Variants in TSPAN14 observed in about 807,000 individuals in gnomAD.
TSPAN14 encodes tetraspanin 14, also known as tetraspanin-14.
Under a neutral mutation model 36.6 loss-of-function variants are expected in TSPAN14, and 16 were observed. The observed-to-expected ratio is 0.44, with a 90% confidence interval of 0.30 to 0.66. The LOEUF (loss-of-function observed/expected upper bound fraction) is 0.66. Ranked by LOEUF, TSPAN14 falls within the 30% of genes least tolerant of loss-of-function variation. The pLI is 0.12. For missense variants in TSPAN14, 231 were observed against 355.1 expected (o/e 0.65, Z 2.81); for synonymous variants, 139 against 143.8 (o/e 0.97, Z 0.24).
intron 2 of TSPAN14, among the ~76,000 whole-genome samples, chr10:80,494,536 G>A (rs1369700209): frequency 6.6e-6 from 1 of 152,290 alleles, no homozygotes; most frequent in African/African-American, 2.4e-5. Flanking sequence ...CATCTTTGCA[G>A]GTGGGGTCTT....
At chr10:80,479,503 C>G (rs1219226051) in intron 1 of TSPAN14, among the ~76,000 whole-genome samples, 9 of 152,184 alleles carry the variant, frequency 5.9e-5, no homozygotes, top group South Asian at 2.1e-4. Context: ...TTTCAGCTTT[C>G]TACATATGGC....
chr10:80,468,855 C>T (rs1378904194), intron 1 of TSPAN14, among the ~76,000 whole-genome samples: 2 of 152,200 alleles, frequency 1.3e-5, no homozygotes, highest in Middle Eastern at 3.4e-3. Flanking sequence ...CCACCATGCC[C>T]GGCCTGAATG....
intron 1 of TSPAN14, among the ~76,000 whole-genome samples, chr10:80,476,485 T>G (rs1163886616): frequency 5.5e-5 from 8 of 144,716 alleles, no homozygotes; most frequent in Non-Finnish European, 4.5e-5. Context: ...GCGAGATCTC[T>G]GCTCACTGCA....
intron 1 of TSPAN14, among the ~76,000 whole-genome samples, chr10:80,459,748 G>A (rs1409237222): frequency 1.3e-5 from 2 of 152,226 alleles, no homozygotes; most frequent in Admixed American, 1.3e-4. Context: ...AGGCCCCACA[G>A]CAGTGGAAGG....
intron 1 of TSPAN14, among the ~76,000 whole-genome samples, chr10:80,486,071 A>AG (rs1199003220): frequency 5.3e-5 from 8 of 152,210 alleles, no homozygotes; most frequent in Admixed American, 4.6e-4. Flanking sequence ...TGATGTTACC[A>AG]GGGGGGAAGT....
intron 2 of TSPAN14, among the ~76,000 whole-genome samples, chr10:80,498,266 G>C (rs539713609): frequency 1.3e-5 from 2 of 152,146 alleles, no homozygotes; most frequent in Non-Finnish European, 2.9e-5. Context: ...TGGGGTTTCC[G>C]TCTGGTGTAA....
intron 1 of TSPAN14, among the ~76,000 whole-genome samples, chr10:80,474,404 C>T (rs1752282323): frequency 6.6e-6 from 1 of 151,810 alleles, no homozygotes; most frequent in Non-Finnish European, 1.5e-5. Flanking sequence ...AGGTAAGAGA[C>T]CTTCAGACCT....
chr10:80,507,255 A>C, exon 4 of TSPAN14: 1 of 1,614,030 alleles, frequency 6.2e-7, no homozygotes, highest in Non-Finnish European at 8.5e-7. Context: ...CACCAAAGTG[A>C]CCCGGATGCA....
intron 2 of TSPAN14, among the ~76,000 whole-genome samples, chr10:80,493,126 T>C (rs768093609): frequency 1.3e-4 from 20 of 152,352 alleles, no homozygotes; most frequent in Non-Finnish European, 2.6e-4. Context: ...AAAAAATCAT[T>C]CTTTGGTTGT....
chr10:80,497,820 C>A (rs1848274702), intron 2 of TSPAN14, among the ~76,000 whole-genome samples: 1 of 152,208 alleles, frequency 6.6e-6, no homozygotes, highest in Non-Finnish European at 1.5e-5. Flanking sequence ...CACATTGGGG[C>A]CCTCACATGG....
chr10:80,485,796 T>C, intron 1 of TSPAN14: 3 of 594,576 alleles, frequency 5.0e-6, no homozygotes, highest in Non-Finnish European at 6.3e-6. Context: ...TTTTCAACAG[T>C]TTATTGCAAT....
chr10:80,472,032 G>A (rs1846581426), intron 1 of TSPAN14, among the ~76,000 whole-genome samples: 1 of 152,132 alleles, frequency 6.6e-6, no homozygotes, highest in African/African-American at 2.4e-5. Flanking sequence ...GACTGCAGGT[G>A]TGCACTGAGG....
chr10:80,512,840 C>T (rs1840730307), intron 6 of TSPAN14, among the ~76,000 whole-genome samples: 1 of 151,652 alleles, frequency 6.6e-6, no homozygotes, highest in South Asian at 2.1e-4. Context: ...ATTACAGGTG[C>T]ACGCCACCAC....
At chr10:80,500,067 G>C (rs1222983825) in intron 2 of TSPAN14, among the ~76,000 whole-genome samples, 1 of 152,070 alleles carries the variant, frequency 6.6e-6, no homozygotes, top group East Asian at 1.9e-4. Context: ...GGGGTGAAGC[G>C]GGCCAATGAC....
At chr10:80,485,666 C>A (rs1007018295) in intron 1 of TSPAN14, 4 of 985,430 alleles carry the variant, frequency 4.1e-6, no homozygotes, top group Non-Finnish European at 4.8e-6. Context: ...TGCTTTCCAA[C>A]CCGCTGGCCA....
At chr10:80,478,699 A>G (rs1015465312) in intron 1 of TSPAN14, among the ~76,000 whole-genome samples, 4 of 152,204 alleles carry the variant, frequency 2.6e-5, no homozygotes, top group African/African-American at 4.8e-5. Context: ...ATCATGCTCA[A>G]TGAAATGGAT....
exon 6 of TSPAN14, chr10:80,512,210 G>A (rs1840698164): frequency 6.2e-7 from 1 of 1,614,192 alleles, no homozygotes; most frequent in African/African-American, 1.3e-5. Context: ...TTGCAGCGGT[G>A]CCAGCTACAG....
intron 1 of TSPAN14, among the ~76,000 whole-genome samples, chr10:80,483,747 T>C (rs1369365706): frequency 6.6e-6 from 1 of 151,454 alleles, no homozygotes. Flanking sequence ...CTGTCTCTAC[T>C]AAAAATACAA....
chr10:80,483,444 CT>C (rs1158513396), intron 1 of TSPAN14, among the ~76,000 whole-genome samples: 1 of 152,108 alleles, frequency 6.6e-6, no homozygotes, highest in Non-Finnish European at 1.5e-5. Context: ...AATGTGTATT[CT>C]TTTTCTGGAG....
Sources: allele counts gnomAD v4.1 joint callset (sites outside exome capture counted in the v4.1 genomes callset), GRCh38; gene constraint gnomAD v4.1.1; transcripts MANE v1.5; gene names NCBI Gene and HGNC (gene_info 2026-07-23, HGNC 2026-07-21).